ZNF648: variants seen among roughly 807,000 people sequenced by gnomAD.
The protein encoded by ZNF648 is zinc finger protein 648.
In ZNF648, 1 loss-of-function variant was observed where a neutral mutation model predicts 0.3. The observed-to-expected ratio is 3.90, with a 90% CI of 1.39 to 18.51. The LOEUF is 18.51. Ranked by LOEUF, ZNF648 falls within the 30% of genes most tolerant of loss-of-function variation. The pLI is 0.11. For synonymous variants in ZNF648, 376 were observed against 326.8 expected (o/e 1.15, Z -1.62); for missense variants, 874 against 769.7 (o/e 1.14, Z -1.60).
In ZNF648 at chr1:182,058,035, A is replaced by G. The variant is rs372396955; in HGVS notation, c.-25T>C. The G allele has an allele frequency of 1.9e-6, 3 of 1,572,140 alleles. No homozygotes were observed. The highest frequency in any genetic ancestry group is 2.6e-6 in the Non-Finnish European group (3 of 1,162,962). ...TGATGTTCAGGCGCTTCTATTGCCT[A>G]CTCCTCTGAGGAGGAGTATCCTGCT... On this transcript the variant is annotated 5_prime_UTR_variant, in exon 2 of 2. Transcript: ENST00000339948.
At position 182,057,446 on chromosome 1, in the gene ZNF648, G is replaced by A. The variant is rs772456965; in HGVS notation, c.565C>T (p.Leu189=). Residue 189 remains leucine, a synonymous_variant, in exon 2 of 2, where the codon CTG becomes TTG. Coordinates refer to ENST00000339948, the MANE Select transcript of ZNF648 (RefSeq NM_001009992.1). ...CTCCCCGGCCTGGGGAAACACAACAGAGAAGAGTTCCCTGCGGACGTGTCT... is the reference window on the plus strand; with the variant it reads ...CTCCCCGGCCTGGGGAAACACAACAAAGAAGAGTTCCCTGCGGACGTGTCT... ...SVDTSAGNSS[L]LCFPRPGSNW... 1 of 1,614,264 alleles carries A rather than the reference G, an allele frequency of 6.2e-7. No homozygotes were observed. Among genetic ancestry groups the A allele is most frequent in the East Asian group, 2.2e-5 (1 of 44,880 alleles).
rs1459757094 is a variant in ZNF648, at chr1:182,054,661, C to T, written c.*1643G>A. Reference sequence around the variant, plus strand: ...ACAAGCTCATCTTGTGACTTTTCTACCAATTTAAAGCTCTTGCATCCAGCC... The same window carrying T: ...ACAAGCTCATCTTGTGACTTTTCTATCAATTTAAAGCTCTTGCATCCAGCC... On this transcript the variant is annotated 3_prime_UTR_variant, in exon 2 of 2. Transcript: ENST00000339948. The T allele has an allele frequency of 3.9e-5, 6 of 152,202 alleles. No individual in the cohort carries two copies. The highest frequency in any genetic ancestry group is 1.3e-4 in the Admixed American group (2 of 15,280). 9.4% of individuals were successfully genotyped at this position (152,202 alleles called of 1,614,324 possible). A position where few individuals can be genotyped will look rare whatever the true frequency, so the allele number is the denominator to read the frequency against.
Position 182,056,393 on chromosome 1 carries a change from C to G in ZNF648, c.1618G>C (p.Ala540Pro). The change falls in exon 2 of 2, where the codon GCC becomes CCC. Residue 540 changes from alanine to proline, a missense_variant. Physicochemically the swap from Ala to Pro is conservative, Grantham distance 27 (BLOSUM62 -1). Coordinates refer to ENST00000339948, the MANE Select transcript of ZNF648 (RefSeq NM_001009992.1). Reference protein sequence around the residue: ...RPYQCEDCGQAFTRSNHLQRH... With the variant: ...RPYQCEDCGQPFTRSNHLQRH... ...TGGAGGTGATTGGACCTGGTGAAGGCCTGGCCGCAGTCCTCACACTGGTAG... is the reference window on the plus strand; with the variant it reads ...TGGAGGTGATTGGACCTGGTGAAGGGCTGGCCGCAGTCCTCACACTGGTAG... The G allele has an allele frequency of 2.5e-6, 4 of 1,614,200 alleles. No individual in the cohort carries two copies. Among genetic ancestry groups the G allele is most frequent in the Non-Finnish European group, 3.4e-6 (4 of 1,180,030 alleles).
the ZNF648 span, among the ~76,000 whole-genome samples, chr1:182,067,533 C>T: frequency 6.6e-6 from 1 of 152,184 alleles, no homozygotes; most frequent in African/African-American, 2.4e-5. Context: ...AGAGAACCCA[C>T]CTCTGGTCTC....
rs2101919298 is a variant in ZNF648, at chr1:182,056,984, C to T, written c.1027G>A (p.Ala343Thr). 1 of 1,613,840 alleles carries T rather than the reference C, an allele frequency of 6.2e-7. No homozygotes were observed. The highest frequency in any genetic ancestry group is 8.5e-7 in the Non-Finnish European group (1 of 1,179,964). Residue 343 changes from alanine to threonine, a missense_variant, in exon 2 of 2, where the codon GCC (alanine) becomes ACC (threonine). By Grantham distance (58) the Ala-to-Thr change is moderately conservative. Coordinates refer to ENST00000339948, the MANE Select transcript of ZNF648 (RefSeq NM_001009992.1). ...KPYPCPDCGK[A>T]FVRSSDLRKH... The stretch of plus-strand genomic sequence containing the variant: ...CGCAGGTCCGAAGAGCGCACGAAGG[C>T]CTTCCCGCAGTCTGGACACGGGTAG...
rs1665954264 is a variant in ZNF648, at chr1:182,057,569, C to T, written c.442G>A (p.Gly148Ser). 1.2e-6 allele frequency: 2 copies of T among 1,614,118 alleles called. No individual in the cohort carries two copies. Among genetic ancestry groups the T allele is most frequent in the Non-Finnish European group, 8.5e-7 (1 of 1,180,048 alleles). The part of the protein sequence containing the change: ...MQPLGDRLPA[G>S]DDGYSGANQD... Reference sequence around the variant, plus strand: ...TTTGCCCCCGAGTATCCATCATCACCCGCAGGTAGTCGGTCCCCAAGAGGT... The same window carrying T: ...TTTGCCCCCGAGTATCCATCATCACTCGCAGGTAGTCGGTCCCCAAGAGGT... Residue 148 changes from glycine (G) to serine (S), a missense_variant, in exon 2 of 2, where the codon GGT becomes AGT. Transcript: ENST00000339948.
rs1011504114 is a variant in ZNF648 at position 182,056,102 on chromosome 1, A to G, written c.*202T>C. The stretch of plus-strand genomic sequence containing the variant: ...TTTCCAATTGCTTATGACCTCGGAC[A>G]CTCAGAACCACTGATGTGAAACCAC... On this transcript the variant is annotated 3_prime_UTR_variant, in exon 2 of 2. Coordinates refer to ENST00000339948, the MANE Select transcript of ZNF648 (RefSeq NM_001009992.1). 10 of 637,628 alleles carry G rather than the reference A, an allele frequency of 1.6e-5. No individual in the cohort carries two copies. Among genetic ancestry groups the G allele is most frequent in the Non-Finnish European group, 2.4e-5 (9 of 382,584 alleles). The allele number at this position is 637,628 out of a possible 1,614,324, so 39.5% of individuals were successfully genotyped here.
At position 182,056,190 on chromosome 1, in the gene ZNF648, A is replaced by G. The variant is rs967202911; in HGVS notation, c.*114T>C. The G allele has an allele frequency of 3.8e-6, 5 of 1,323,886 alleles. No homozygotes were observed. Among genetic ancestry groups the G allele is most frequent in the Non-Finnish European group, 5.1e-6 (5 of 978,252 alleles). The allele number at this position is 1,323,886 out of a possible 1,614,324, so 82.0% of individuals were successfully genotyped here. On this transcript the variant is annotated 3_prime_UTR_variant, in exon 2 of 2. Coordinates refer to ENST00000339948, the MANE Select transcript of ZNF648 (RefSeq NM_001009992.1). The stretch of plus-strand genomic sequence containing the variant: ...AGGGATCAAATAAATAATCAAATGG[A>G]CCACTGATGACCCGCGACCTGCTGG...
Position 182,054,852 on chromosome 1 carries a change from T to G in ZNF648, c.*1452A>C, listed in dbSNP as rs1435039158. ...CTTGGTCAAACAAGACACAAGACTA[T>G]CTAGCTATCTAGCTATCTAGCTATC... On this transcript the variant is annotated 3_prime_UTR_variant, in exon 2 of 2. Coordinates refer to ENST00000339948, the MANE Select transcript of ZNF648 (RefSeq NM_001009992.1). 1 of 148,236 alleles carries G rather than the reference T, an allele frequency of 6.7e-6. No individual in the cohort carries two copies. Among genetic ancestry groups the G allele is most frequent in the African/African-American group, 2.6e-5 (1 of 37,786 alleles). The allele number at this position is 148,236 out of a possible 1,614,324, so 9.2% of individuals were successfully genotyped here.
In ZNF648 at chr1:182,056,735, C is replaced by G. The variant is rs557724432; in HGVS notation, c.1276G>C (p.Gly426Arg). Residue 426 changes from glycine to arginine, a missense_variant, in exon 2 of 2, where the codon GGC (glycine) becomes CGC (arginine). Physicochemically the swap from Gly to Arg is moderately radical, Grantham distance 125. Transcript: ENST00000339948. ...TTGGAGGACTTGGTGAAGCACTTGC[C>G]GCAGGTGGGGCAGGGGAAGGGCCGC... ...GERPFPCPTC[G>R]KCFTKSSNLS... 2 of 1,581,164 alleles carry G rather than the reference C, an allele frequency of 1.3e-6. No individual in the cohort carries two copies. The highest frequency in any genetic ancestry group is 1.7e-6 in the Non-Finnish European group (2 of 1,163,668).
intron 1 of ZNF648, among the ~76,000 whole-genome samples, chr1:182,059,842 T>TATTCTTTC (rs1411496426): frequency 1.3e-5 from 2 of 152,044 alleles, no homozygotes; most frequent in Non-Finnish European, 2.9e-5. Context: ...ATTACTATAT[T>TATTCTTTC]ATTCTTTCAA....
At position 182,061,395 on chromosome 1, in the gene ZNF648, A is replaced by G. The variant is rs192960717; in HGVS notation, c.-64+173T>C. Among the ~76,000 whole-genome samples the G allele has an allele frequency of 3.7e-4, 56 of 152,336 alleles. No homozygotes were observed. In the East Asian group the frequency reaches 9.9e-3, roughly 27 times the overall value. On this transcript the variant is annotated intron_variant, in intron 1 of 1. Transcript: ENST00000339948. ...CCTCATACATCCATCAACACTCTGC[A>G]GAAGCCTACCCTAAGGGCTTGTTGC...
At chr1:182,061,478 A>G (rs77180754) in intron 1 of ZNF648, 90 bp downstream of exon 1, 1,619 of 152,668 alleles carry the variant, frequency 0.011, 38 homozygotes, top group African/African-American at 0.036. Context: ...ACTGAAGTCC[A>G]TCCTAGGCAG....
chr1:182,058,171 A>G (rs570738543), intron 1 of ZNF648, 98 bp from the exon 2 acceptor site: 32 of 820,988 alleles, frequency 3.9e-5, no homozygotes, highest in Non-Finnish European at 5.2e-5. Context: ...TCTGTTTCCA[A>G]CTGGTCTCCA....
Position 182,055,256 on chromosome 1 carries a change from G to T in ZNF648, c.*1048C>A, listed in dbSNP as rs757933991. Reference sequence around the variant, plus strand: ...AACCTCATTAGATAACTGTGAGCACGTAGGCTTCCATACCTGGTTTTAATG... The same window carrying T: ...AACCTCATTAGATAACTGTGAGCACTTAGGCTTCCATACCTGGTTTTAATG... On this transcript the variant is annotated 3_prime_UTR_variant, in exon 2 of 2. Transcript: ENST00000339948. The surrounding 1 kb of genome is among the most constrained non-coding windows in gnomAD (Gnocchi z 4.1). The T allele has an allele frequency of 1.3e-5, 2 of 152,180 alleles. No homozygotes were observed. Among genetic ancestry groups the T allele is most frequent in the Non-Finnish European group, 2.9e-5 (2 of 68,032 alleles). 9.4% of individuals were successfully genotyped at this position (152,180 alleles called of 1,614,324 possible).
At position 182,057,807 on chromosome 1, in the gene ZNF648, C is replaced by T. The variant is rs542597262; in HGVS notation, c.204G>A (p.Leu68=). ...CTTTGCCCAGTGGATGGGGCCATGGCAAGTCAGGATTTTCGTGTGTTACTG... is the reference window on the plus strand; with the variant it reads ...CTTTGCCCAGTGGATGGGGCCATGGTAAGTCAGGATTTTCGTGTGTTACTG... ...SSPVTHENPD[L]PWPHPLGKEE... The change falls in exon 2 of 2, where the codon TTG becomes TTA. Residue 68 remains leucine, a synonymous_variant. Coordinates refer to ENST00000339948, the MANE Select transcript of ZNF648 (RefSeq NM_001009992.1). 37 of 1,614,236 alleles carry T rather than the reference C, an allele frequency of 2.3e-5. No homozygotes were observed. The highest frequency in any genetic ancestry group is 1.6e-4 in the South Asian group (15 of 91,078).
In ZNF648 at chr1:182,057,792, T is replaced by G. The variant is rs1354678991; in HGVS notation, c.219A>C (p.Pro73=). The change falls in exon 2 of 2, where the codon CCA becomes CCC. Residue 73 remains proline (P), a synonymous_variant. Coordinates refer to ENST00000339948, the MANE Select transcript of ZNF648 (RefSeq NM_001009992.1). The part of the protein sequence containing the change: ...HENPDLPWPH[P]LGKEEEKFSD... Reference sequence around the variant, plus strand: ...AGAATTTCTCTTCCTCTTTGCCCAGTGGATGGGGCCATGGCAAGTCAGGAT... The same window carrying G: ...AGAATTTCTCTTCCTCTTTGCCCAGGGGATGGGGCCATGGCAAGTCAGGAT... 1 of 1,614,190 alleles carries G rather than the reference T, an allele frequency of 6.2e-7. No homozygotes were observed. The highest frequency in any genetic ancestry group is 2.2e-5 in the East Asian group (1 of 44,862).
chr1:182,069,248 C>T, the ZNF648 span: 1 of 152,158 alleles, frequency 6.6e-6, no homozygotes, highest in Non-Finnish European at 1.5e-5. Flanking sequence ...GGCCAGGGTA[C>T]AAGGGGCCTT....
At chr1:182,069,377 A>T in the ZNF648 span, 1 of 152,322 alleles carries the variant, frequency 6.6e-6, no homozygotes, top group East Asian at 1.9e-4. Flanking sequence ...TTCCATAAAA[A>T]CATACTCCCT....
Sources: gnomAD v4.1 joint callset for allele counts (sites outside exome capture counted in the v4.1 genomes callset) on GRCh38, gnomAD v4.1.1 for gene constraint, Gnocchi (gnomAD v3.1) non-coding constraint, MANE v1.5 for transcripts, NCBI Gene and HGNC (gene_info 2026-07-23, HGNC 2026-07-21) for gene names.